SHC3: variants seen among roughly 807,000 people sequenced by gnomAD.
SHC3 encodes the protein SHC adaptor protein 3.
SHC3 carries 15 observed loss-of-function variants against 60.4 expected under a neutral mutation model. That is an observed-to-expected ratio of 0.25 (90% CI 0.17 to 0.38). The LOEUF is 0.38. SHC3 is among the 10% of genes least tolerant of loss of function. The probability of loss-of-function intolerance (pLI) is 1.00; values close to 1 mark genes in which losing one functional copy is unlikely to be tolerated. For synonymous variants in SHC3, 294 were observed against 325.9 expected (o/e 0.90, Z 1.05); for missense variants, 677 against 786.1 (o/e 0.86, Z 1.66).
Position 89,013,573 on chromosome 9 carries a change from G to T in SHC3, c.1659C>A (p.Ile553=). 6.2e-7 allele frequency: 1 copy of T among 1,610,764 alleles called. No homozygotes were observed. The highest frequency in any genetic ancestry group is 8.5e-7 in the Non-Finnish European group (1 of 1,178,912). The stretch of plus-strand genomic sequence containing the variant: ...TGTCAAAGACTCTGTCCTTTGTCCG[G>T]ATCTATGAATGAAGCAAAGGAAAGG... The part of the protein sequence containing the change: ...HLLLVDPEGT[I]RTKDRVFDSI... The change falls in exon 12 of 12, where the codon ATC becomes ATA. Residue 553 remains isoleucine (I), a splice_region_variant and synonymous_variant. Transcript: ENST00000375835.
At chr9:89,013,811 C>G (rs1025961658) in intron 11 of SHC3, among the ~76,000 whole-genome samples, 1 of 152,120 alleles carries the variant, frequency 6.6e-6, no homozygotes, top group African/African-American at 2.4e-5. Flanking sequence ...GCCCAGGCCC[C>G]TAGGACTCAG....
At chr9:89,034,883 C>A (rs1010459064) in intron 11 of SHC3, among the ~76,000 whole-genome samples, 1 of 152,126 alleles carries the variant, frequency 6.6e-6, no homozygotes, top group African/African-American at 2.4e-5. Context: ...TGAGGCAGGG[C>A]TTGCATAATG....
At chr9:89,176,799 A>G (rs1826947691) in intron 1 of SHC3, among the ~76,000 whole-genome samples, 1 of 152,236 alleles carries the variant, frequency 6.6e-6, no homozygotes, top group South Asian at 2.1e-4. Context: ...CAATGGCCAC[A>G]TTCATCTGTA....
At position 89,055,426 on chromosome 9, in the gene SHC3, GC is replaced by G. The variant is rs528096955; in HGVS notation, c.836-3264del. 1.3e-3 allele frequency among the ~76,000 whole-genome samples: 201 copies of G among 152,344 alleles called. 1 individual carries two copies. The highest frequency in any genetic ancestry group is 4.8e-3 in the African/African-American group (198 of 41,578). The stretch of plus-strand genomic sequence containing the variant: ...CTGTGAGTCAGGGTGGGCAAGTTAT[GC>G]CACAGTAAGAAACAATCCCAACGTC... On this transcript the variant is annotated intron_variant, in intron 6 of 11. Coordinates refer to ENST00000375835, the MANE Select transcript of SHC3 (RefSeq NM_016848.6).
rs1221635662 is a variant in SHC3 at position 89,042,142 on chromosome 9, A to C, written c.1244T>G (p.Val415Gly). Residue 415 changes from valine (V) to glycine (G), a missense_variant, in exon 10 of 12, where the codon GTG becomes GGG. Transcript: ENST00000375835. ...GGTGGGTGCTTCTCCCGTGGGGGCC[A>C]CGTGCAGTTTCCCTTCTGGCGTGCT... ...IYSTPEGKLH[V>G]APTGEAPTYV... 1 of 1,559,082 alleles carries C rather than the reference A, an allele frequency of 6.4e-7. No individual in the cohort carries two copies. The highest frequency in any genetic ancestry group is 8.6e-7 in the Non-Finnish European group (1 of 1,160,782).
intron 5 of SHC3, among the ~76,000 whole-genome samples, chr9:89,070,923 G>T (rs1487722986): frequency 6.6e-6 from 1 of 152,128 alleles, no homozygotes; most frequent in Non-Finnish European, 1.5e-5. Context: ...GGGGCCAGGG[G>T]GACTATTTCA....
At chr9:89,166,140 C>T (rs993813260) in intron 1 of SHC3, among the ~76,000 whole-genome samples, 4 of 152,156 alleles carry the variant, frequency 2.6e-5, no homozygotes, top group East Asian at 1.9e-4. Context: ...CACCTACACA[C>T]ACATGTCCCA....
chr9:89,089,305 C>A (rs1825583120), intron 2 of SHC3, among the ~76,000 whole-genome samples: 1 of 152,164 alleles, frequency 6.6e-6, no homozygotes, highest in Non-Finnish European at 1.5e-5. Context: ...TAGAAAGGAC[C>A]TGAGTGAGAC....
chr9:89,143,800 C>T (rs746050858), intron 1 of SHC3, among the ~76,000 whole-genome samples: 7 of 152,110 alleles, frequency 4.6e-5, no homozygotes, highest in Non-Finnish European at 8.8e-5. Context: ...GCAGACTGGC[C>T]TTTTTCGGGG....
chr9:89,026,778 C>G (rs1200117457), intron 11 of SHC3, among the ~76,000 whole-genome samples: 1 of 152,216 alleles, frequency 6.6e-6, no homozygotes, highest in East Asian at 1.9e-4. Flanking sequence ...CACTCACTTT[C>G]CACCTGAGGA....
At position 89,075,157 on chromosome 9, in the gene SHC3, C is replaced by G. The variant is rs1825336861; in HGVS notation, c.681G>C (p.Leu227=). 3 of 1,613,920 alleles carry G rather than the reference C, an allele frequency of 1.9e-6. No individual in the cohort carries two copies. In the South Asian group the frequency reaches 3.3e-5, roughly 18 times the overall value. The change falls in exon 4 of 12, where the codon CTG becomes CTC. Residue 227 remains leucine, a synonymous_variant. Coordinates refer to ENST00000375835, the MANE Select transcript of SHC3 (RefSeq NM_016848.6). ...NLQFAGMSIS[L]TISTASLNLR... The stretch of plus-strand genomic sequence containing the variant: ...GGTTCAGACTGGCCGTGGAGATGGT[C>G]AGAGAGATGCTCATTCCCGCAAACT...
rs144687511 is a variant in SHC3, at chr9:89,013,143, TA to T, written c.*303del. 0.18 allele frequency: 32,157 copies of T among 174,152 alleles called. 2,811 individuals are homozygous for T. The highest frequency in any genetic ancestry group is 0.32 in the Middle Eastern group (136 of 430). The allele number at this position is 174,152 out of a possible 1,614,324, so 10.8% of individuals were successfully genotyped here. ...TTGCCTGGACAACTACAGTTAAACT[TA>T]TTTTTTTTTTTCATTAAAAACATAC... is the stretch of plus-strand genomic sequence containing the variant. On this transcript the variant is annotated 3_prime_UTR_variant, in exon 12 of 12. Transcript: ENST00000375835.
chr9:89,086,151 C>T (rs768772298), intron 2 of SHC3, among the ~76,000 whole-genome samples: 9 of 152,220 alleles, frequency 5.9e-5, no homozygotes, highest in South Asian at 2.1e-4. Flanking sequence ...GTCACACCAC[C>T]GCTTGAACAA....
At chr9:89,128,060 C>T (rs964767577) in intron 1 of SHC3, among the ~76,000 whole-genome samples, 5 of 151,458 alleles carry the variant, frequency 3.3e-5, no homozygotes, top group African/African-American at 4.9e-5. Flanking sequence ...GTGTTGTGTG[C>T]GTGATGTCTA....
chr9:89,098,778 T>A lies in SHC3; in HGVS notation c.545+13778A>T, dbSNP rs1465613919. ...ATGAGCTGAGATTGCGCCACTGCAC[T>A]CCAGCGTGGGTGAGAATGAGACCCC... On this transcript the variant is annotated intron_variant, in intron 2 of 11. Transcript: ENST00000375835. 2.0e-5 allele frequency among the ~76,000 whole-genome samples: 3 copies of A among 151,328 alleles called. No homozygotes were observed. In the East Asian group the frequency reaches 5.8e-4, roughly 29 times the overall value.
At position 89,118,904 on chromosome 9, in the gene SHC3, G is replaced by A. The variant is rs147066932; in HGVS notation, c.475-6278C>T. On this transcript the variant is annotated intron_variant, in intron 1 of 11. Coordinates refer to ENST00000375835, the MANE Select transcript of SHC3 (RefSeq NM_016848.6). ...GATGTGGGCTGCAAGAAACAATGAC[G>A]ATAAAAGAATCAGTAAAAGTTGCAG... Among the ~76,000 whole-genome samples, 206 of 152,220 alleles carry A rather than the reference G, an allele frequency of 1.4e-3. No individual in the cohort carries two copies. The Middle Eastern group carries it at 0.014, about 10-fold the overall frequency.
chr9:89,164,299 C>T (rs910821919), intron 1 of SHC3, among the ~76,000 whole-genome samples: 7 of 152,092 alleles, frequency 4.6e-5, no homozygotes, highest in African/African-American at 1.4e-4. Context: ...AGGGCACCAG[C>T]TGTCTGAAAG....
chr9:89,067,743 AT>A (rs1443259106), intron 5 of SHC3, among the ~76,000 whole-genome samples: 1 of 152,198 alleles, frequency 6.6e-6, no homozygotes, highest in East Asian at 1.9e-4. Context: ...TCAGATGGAG[AT>A]TTAGTTTCAG....
intron 1 of SHC3, among the ~76,000 whole-genome samples, chr9:89,173,620 A>G (rs1299836577): frequency 6.6e-6 from 1 of 152,114 alleles, no homozygotes; most frequent in Non-Finnish European, 1.5e-5. Context: ...AGTCATCACA[A>G]GTCATCTACC....
Sources: allele counts gnomAD v4.1 joint callset (sites outside exome capture counted in the v4.1 genomes callset), GRCh38; gene constraint gnomAD v4.1.1; transcripts MANE v1.5; gene names NCBI Gene and HGNC (gene_info 2026-07-23, HGNC 2026-07-21).